Variants in KCNH8 observed in about 807,000 individuals in gnomAD.
KCNH8 encodes the protein voltage-gated delayed rectifier potassium channel KCNH8.
KCNH8 carries 70 observed loss-of-function variants against 103.6 expected under a neutral mutation model. The ratio of observed to expected loss-of-function variants is 0.68; its 90% CI spans 0.56 to 0.82. The LOEUF is 0.82. KCNH8 is among the 40% of genes least tolerant of loss of function. The pLI, the probability that KCNH8 is intolerant of heterozygous loss-of-function variation, is 0.00. For synonymous variants in KCNH8, 498 were observed against 489.4 expected, an observed-to-expected ratio of 1.02 and a Z score of -0.23; for missense variants, 1,217 against 1,329.9, an observed-to-expected ratio of 0.92 and a Z score of 1.32.
At chr3:19,290,480 C>T (rs2064903514) in intron 3 of KCNH8, among the ~76,000 whole-genome samples, 1 of 152,088 alleles carries the variant, frequency 6.6e-6, no homozygotes, top group South Asian at 2.1e-4. Flanking sequence ...TTGTCAAAGG[C>T]CTTTTCTGCA....
intron 1 of KCNH8, among the ~76,000 whole-genome samples, chr3:19,154,372 A>T (rs2063159993): frequency 6.6e-6 from 1 of 152,154 alleles, no homozygotes; most frequent in African/African-American, 2.4e-5. Context: ...CCAGCCATAA[A>T]AGATCTTTAA....
intron 1 of KCNH8, among the ~76,000 whole-genome samples, chr3:19,239,435 A>G (rs1045243119): frequency 6.6e-6 from 1 of 152,184 alleles, no homozygotes; most frequent in Non-Finnish European, 1.5e-5. Context: ...AAAATCTTTT[A>G]ACCTAGATAC....
chr3:19,446,399 C>G (rs2067363159), intron 8 of KCNH8, among the ~76,000 whole-genome samples: 1 of 152,046 alleles, frequency 6.6e-6, no homozygotes, highest in Non-Finnish European at 1.5e-5. Context: ...TGAATACACA[C>G]ACACTACCCT....
chr3:19,327,117 G>A (rs2065434885), intron 3 of KCNH8, among the ~76,000 whole-genome samples: 1 of 152,112 alleles, frequency 6.6e-6, no homozygotes, highest in Non-Finnish European at 1.5e-5. Flanking sequence ...GGCACATATG[G>A]AAGCTGCGTA....
chr3:19,435,225 A>G (rs1258030696), intron 7 of KCNH8, among the ~76,000 whole-genome samples: 2 of 152,200 alleles, frequency 1.3e-5, no homozygotes, highest in African/African-American at 4.8e-5. Flanking sequence ...AAATATGCCC[A>G]AAAGACCACT....
In KCNH8 at chr3:19,216,176, A is replaced by G. The variant is rs938650301; in HGVS notation, c.77-37478A>G. Among the ~76,000 whole-genome samples, 8 of 152,322 alleles carry G rather than the reference A, an allele frequency of 5.3e-5. No homozygotes were observed. The South Asian group carries it at 6.2e-4, about 12-fold the overall frequency. ...CAACTCGAATTATCACTCTCCCATT[A>G]AATTTTACCCTTTCCCCTTAGCTTG... On this transcript the variant is annotated intron_variant, in intron 1 of 15. Coordinates refer to ENST00000328405, the MANE Select transcript of KCNH8 (RefSeq NM_144633.3).
intron 11 of KCNH8, among the ~76,000 whole-genome samples, chr3:19,472,191 CATTCGTGTGTGTGT>C (rs2067873061): frequency 8.1e-6 from 1 of 124,178 alleles, no homozygotes; most frequent in Non-Finnish European, 1.6e-5. Flanking sequence ...TTAATCACTT[CATTCGTGTGTGTGT>C]GTGTGTGTGT....
chr3:19,358,922 A>C (rs1404099066), intron 5 of KCNH8, among the ~76,000 whole-genome samples: 3 of 151,990 alleles, frequency 2.0e-5, no homozygotes, highest in African/African-American at 4.8e-5. Flanking sequence ...AGAAAAAAAA[A>C]CCTAAGGAAA....
chr3:19,234,881 T>C (rs2064044397), intron 1 of KCNH8, among the ~76,000 whole-genome samples: 1 of 152,252 alleles, frequency 6.6e-6, no homozygotes. Flanking sequence ...TAGAATGATG[T>C]CCTGTCCAGC....
intron 1 of KCNH8, among the ~76,000 whole-genome samples, chr3:19,212,234 A>G (rs1001465108): frequency 5.3e-5 from 8 of 152,336 alleles, no homozygotes; most frequent in Non-Finnish European, 8.8e-5. Context: ...AGAGAAAAGT[A>G]TTACCTTGAT....
intron 7 of KCNH8, among the ~76,000 whole-genome samples, chr3:19,411,798 G>C (rs75870010): frequency 0.035 from 5,271 of 149,290 alleles, 221 homozygotes; most frequent in East Asian, 0.21. Flanking sequence ...CACACACACA[G>C]ACTACGAATA....
At position 19,253,664 on chromosome 3, in the gene KCNH8, C is replaced by T; in HGVS notation, c.87C>T (p.Phe29=). 6.2e-7 allele frequency: 1 copy of T among 1,612,570 alleles called. No homozygotes were observed. The highest frequency in any genetic ancestry group is 8.5e-7 in the Non-Finnish European group (1 of 1,179,040). ...ATRFDGTHSN[F]ILANAQVAKG... ...CTTGTTTTTCTATAGATAGCAACTTCATCCTTGCCAATGCCCAGGTGGCTA... is the reference window on the plus strand; with the variant it reads ...CTTGTTTTTCTATAGATAGCAACTTTATCCTTGCCAATGCCCAGGTGGCTA... Residue 29 remains phenylalanine (F), a synonymous_variant, in exon 2 of 16, where the codon TTC becomes TTT. Transcript: ENST00000328405.
intron 5 of KCNH8, among the ~76,000 whole-genome samples, chr3:19,363,646 G>A (rs577055364): frequency 6.6e-6 from 1 of 152,096 alleles, no homozygotes; most frequent in Non-Finnish European, 1.5e-5. Flanking sequence ...AAGGGGTAGT[G>A]CTCTTGTACC....
At chr3:19,192,375 G>A (rs1487298007) in intron 1 of KCNH8, among the ~76,000 whole-genome samples, 1 of 151,386 alleles carries the variant, frequency 6.6e-6, no homozygotes, top group Non-Finnish European at 1.5e-5. Context: ...CTCTCACTGG[G>A]GTTCCAACGT....
At chr3:19,252,984 T>A (rs1323568471) in intron 1 of KCNH8, among the ~76,000 whole-genome samples, 1 of 152,094 alleles carries the variant, frequency 6.6e-6, no homozygotes, top group East Asian at 1.9e-4. Flanking sequence ...CATATTGACA[T>A]CCCAGGAGTG....
intron 15 of KCNH8, among the ~76,000 whole-genome samples, chr3:19,521,042 G>T (rs574698390): frequency 6.6e-6 from 1 of 152,092 alleles, no homozygotes; most frequent in Non-Finnish European, 1.5e-5. Flanking sequence ...AGCATAGTAT[G>T]AAATAGTGCG....
intron 7 of KCNH8, among the ~76,000 whole-genome samples, chr3:19,410,421 A>G (rs2066758771): frequency 1.3e-5 from 2 of 152,178 alleles, no homozygotes; most frequent in South Asian, 4.1e-4. Flanking sequence ...CATAGCACTA[A>G]ACGCCTACCT....
At chr3:19,152,733 C>T (rs537216102) in intron 1 of KCNH8, among the ~76,000 whole-genome samples, 9 of 152,104 alleles carry the variant, frequency 5.9e-5, no homozygotes, top group Admixed American at 5.2e-4. Flanking sequence ...GCCAGCAGTT[C>T]GAGACCAGCC....
In KCNH8 at chr3:19,374,932, C is replaced by T. The variant is rs546230428; in HGVS notation, c.812-15549C>T. ...TTTCCTTAAGAATGTTGAATATTGG[C>T]CCCCACTCTCTTCTGGCTTGTAGGG... On this transcript the variant is annotated intron_variant, in intron 5 of 15. Transcript: ENST00000328405. Among the ~76,000 whole-genome samples the T allele has an allele frequency of 5.5e-4, 84 of 152,068 alleles. 1 individual carries two copies. The highest frequency in any genetic ancestry group is 6.8e-3 in the Middle Eastern group (2 of 294).
Sources: allele counts gnomAD v4.1 joint callset (sites outside exome capture counted in the v4.1 genomes callset), GRCh38; gene constraint gnomAD v4.1.1; transcripts MANE v1.5; gene names NCBI Gene and HGNC (gene_info 2026-07-23, HGNC 2026-07-21).